The following HOXC11 variants were observed in gnomAD, a reference collection of about 807,000 sequenced individuals.
HOXC11 encodes homeobox C11, also known as homeobox protein Hox-C11.
Under a neutral mutation model 23.6 loss-of-function variants are expected in HOXC11, and 17 were observed. That is an observed-to-expected ratio of 0.72 (90% CI 0.49 to 1.08). The LOEUF (loss-of-function observed/expected upper bound fraction) is 1.08. Ranked by LOEUF, HOXC11 falls within the 50% of genes least tolerant of loss-of-function variation. The pLI is 0.00. For missense variants in HOXC11, 413 were observed against 412.1 expected (o/e 1.00, Z -0.02); for synonymous variants, 196 against 183.8 (o/e 1.07, Z -0.54).
chr12:53,975,107 C>A, intron 1 of HOXC11, 74 bp from the exon 2 acceptor site: 2 of 696,292 alleles, frequency 2.9e-6, no homozygotes, highest in Non-Finnish European at 2.4e-6. Flanking sequence ...GAGCGCTCAG[C>A]GGGCTGGGGT....
Position 53,975,824 on chromosome 12 carries a change from A to C in HOXC11, c.*411A>C. The C allele has an allele frequency of 2.3e-6, 1 of 431,488 alleles. No homozygotes were observed. Among genetic ancestry groups the C allele is most frequent in the Non-Finnish European group, 4.1e-6 (1 of 246,308 alleles). 26.7% of individuals were successfully genotyped at this position (431,488 alleles called of 1,614,324 possible). On this transcript the variant is annotated 3_prime_UTR_variant, in exon 2 of 2. Coordinates refer to ENST00000546378, the MANE Select transcript of HOXC11 (RefSeq NM_014212.4). ...CCTTGCCCATGTGAAAAGATCCGCT[A>C]AGACAGCATGTCTGCCAGCGGAAAC... is the stretch of plus-strand genomic sequence containing the variant.
rs772454678 is a variant in HOXC11 at position 53,973,747 on chromosome 12, C to A, written c.506C>A (p.Pro169His). The change falls in exon 1 of 2, where the codon CCC becomes CAC. Residue 169 changes from proline (P) to histidine (H), a missense_variant. Physicochemically the swap from Pro to His is moderately conservative, Grantham distance 77. Coordinates refer to ENST00000546378, the MANE Select transcript of HOXC11 (RefSeq NM_014212.4). This position sits in a 1 kb window ranked among gnomAD's most constrained non-coding sequence, Gnocchi z 4.3. ...GGTGGCGGCGACCCGCCCGCCGAGC[C>A]CCCCTGCTCCGGCAAGGGCGAGGCC... ...YCGGGDPPAE[P>H]PCSGKGEAKG... The A allele has an allele frequency of 6.2e-7, 1 of 1,612,800 alleles. No individual in the cohort carries two copies. The highest frequency in any genetic ancestry group is 8.5e-7 in the Non-Finnish European group (1 of 1,179,740).
At position 53,973,815 on chromosome 12, in the gene HOXC11, C is replaced by G. The variant is rs556993752; in HGVS notation, c.574C>G (p.Arg192Gly). The G allele has an allele frequency of 5.8e-6, 9 of 1,539,738 alleles. No homozygotes were observed. In the African/African-American group the frequency reaches 9.7e-5, roughly 17 times the overall value. ...ACCCCCGGCCTCGGGACTGGCGTCCCGGGCTGAGGCGGGTGCCGAGGCGGA... is the reference window on the plus strand; with the variant it reads ...ACCCCCGGCCTCGGGACTGGCGTCCGGGGCTGAGGCGGGTGCCGAGGCGGA... ...EAPPASGLAS[R>G]AEAGAEAEAE... Residue 192 changes from arginine to glycine, a missense_variant, in exon 1 of 2, where the codon CGG (arginine) becomes GGG (glycine). Transcript: ENST00000546378. This position sits in a 1 kb window ranked among gnomAD's most constrained non-coding sequence, Gnocchi z 4.3.
chr12:53,974,182 C>G (rs1211687403), intron 1 of HOXC11, among the ~76,000 whole-genome samples: 2 of 152,176 alleles, frequency 1.3e-5, no homozygotes, highest in Non-Finnish European at 2.9e-5. Flanking sequence ...GTGAACCCCC[C>G]TCCCCCGTTA....
rs201200152 is a variant in HOXC11, at chr12:53,973,529, C to G, written c.288C>G (p.Ala96=). The change falls in exon 1 of 2, where the codon GCC becomes GCG. Residue 96 remains alanine, a synonymous_variant. Coordinates refer to ENST00000546378, the MANE Select transcript of HOXC11 (RefSeq NM_014212.4). This position sits in a 1 kb window ranked among gnomAD's most constrained non-coding sequence, Gnocchi z 4.3. The part of the protein sequence containing the change: ...RNSYSSCYAA[A]DELMHRECLP... ...GCTACTCCTCCTGCTATGCGGCGGC[C>G]GACGAGCTTATGCACCGGGAGTGCC... 4.3e-5 allele frequency: 70 copies of G among 1,613,738 alleles called. No homozygotes were observed. Among genetic ancestry groups the G allele is most frequent in the African/African-American group, 6.7e-5 (5 of 75,038 alleles).
rs1289730930 is a variant in HOXC11, at chr12:53,976,601, G to T, written c.*1188G>T. On this transcript the variant is annotated 3_prime_UTR_variant, in exon 2 of 2. Coordinates refer to ENST00000546378, the MANE Select transcript of HOXC11 (RefSeq NM_014212.4). The stretch of plus-strand genomic sequence containing the variant: ...AGCTCCTCTCCGCTGGCAGGGCCAA[G>T]AGTATGGCCGTAGTCTCCTCACATT... 2 of 163,780 alleles carry T rather than the reference G, an allele frequency of 1.2e-5. No individual in the cohort carries two copies. The allele number at this position is 163,780 out of a possible 1,614,324, so 10.1% of individuals were successfully genotyped here.
chr12:53,974,406 C>G (rs895952530), intron 1 of HOXC11, among the ~76,000 whole-genome samples: 23 of 152,108 alleles, frequency 1.5e-4, no homozygotes, highest in Admixed American at 8.5e-4. Context: ...AGCAATGGAG[C>G]AGAACCTGAG....
intron 1 of HOXC11, 50 bp from the exon 2 acceptor site, chr12:53,975,131 C>A (rs761788617): frequency 1.0e-4 from 86 of 852,086 alleles, no homozygotes; most frequent in Non-Finnish European, 9.5e-5. Flanking sequence ...CCGGGTCTCA[C>A]GTGTCTCTCT....
Position 53,975,602 on chromosome 12 carries a change from G to A in HOXC11, c.*189G>A, listed in dbSNP as rs1939242557. The A allele has an allele frequency of 1.5e-6, 1 of 653,608 alleles. No homozygotes were observed. Among genetic ancestry groups the A allele is most frequent in the Middle Eastern group, 2.4e-4 (1 of 4,100 alleles). The allele number at this position is 653,608 out of a possible 1,614,324, so 40.5% of individuals were successfully genotyped here. A position where few individuals can be genotyped will look rare whatever the true frequency, so the allele number is the denominator to read the frequency against. ...GACCCTCTATCTGACTCTCGCTGTG[G>A]GACAGGGACCGGGCCTGGAAAGGGG... On this transcript the variant is annotated 3_prime_UTR_variant, in exon 2 of 2. Transcript: ENST00000546378.
Position 53,975,607 on chromosome 12 carries a change from GGGACC to G in HOXC11, c.*197_*201del, listed in dbSNP as rs1387103637. 2 of 650,936 alleles carry G rather than the reference GGGACC, an allele frequency of 3.1e-6. No individual in the cohort carries two copies. Among genetic ancestry groups the G allele is most frequent in the Non-Finnish European group, 5.5e-6 (2 of 365,956 alleles). The allele number at this position is 650,936 out of a possible 1,614,324, so 40.3% of individuals were successfully genotyped here. A position where few individuals can be genotyped will look rare whatever the true frequency, so the allele number is the denominator to read the frequency against. ...TCTATCTGACTCTCGCTGTGGGACAGGGACCGGGCCTGGAAAGGGGGTGAAGGGAA... is the reference window on the plus strand; with the variant it reads ...TCTATCTGACTCTCGCTGTGGGACAGGGGCCTGGAAAGGGGGTGAAGGGAA... On this transcript the variant is annotated 3_prime_UTR_variant, in exon 2 of 2. Coordinates refer to ENST00000546378, the MANE Select transcript of HOXC11 (RefSeq NM_014212.4).
Position 53,975,332 on chromosome 12 carries a change from T to G in HOXC11, c.834T>G (p.Ile278Met). The stretch of plus-strand genomic sequence containing the variant: ...ACCTGACGGACCGACAAGTGAAAAT[T>G]TGGTTTCAGAACAGAAGGATGAAAG... ...MLNLTDRQVK[I>M]WFQNRRMKEK... Residue 278 changes from isoleucine to methionine, a missense_variant, in exon 2 of 2, where the codon ATT (isoleucine) becomes ATG (methionine). By Grantham distance (10) the Ile-to-Met change is conservative. Transcript: ENST00000546378. 1.2e-6 allele frequency: 2 copies of G among 1,613,588 alleles called. No homozygotes were observed. The highest frequency in any genetic ancestry group is 1.7e-6 in the Non-Finnish European group (2 of 1,179,894).
At position 53,973,429 on chromosome 12, in the gene HOXC11, A is replaced by T. The variant is rs1427829556; in HGVS notation, c.188A>T (p.Tyr63Phe). Reference sequence around the variant, plus strand: ...CCCTCTCGTCAGATCTCCTATCCCTACTCGGCCCAAGTGCCCCCGGTCCGG... The same window carrying T: ...CCCTCTCGTCAGATCTCCTATCCCTTCTCGGCCCAAGTGCCCCCGGTCCGG... ...QAPSRQISYP[Y>F]SAQVPPVREV... Residue 63 changes from tyrosine to phenylalanine, a missense_variant, in exon 1 of 2, where the codon TAC becomes TTC. Coordinates refer to ENST00000546378, the MANE Select transcript of HOXC11 (RefSeq NM_014212.4). The surrounding 1 kb of genome is among the most constrained non-coding windows in gnomAD (Gnocchi z 4.3). The T allele has an allele frequency of 1.2e-6, 2 of 1,613,054 alleles. No individual in the cohort carries two copies. Among genetic ancestry groups the T allele is most frequent in the African/African-American group, 1.3e-5 (1 of 74,640 alleles).
rs764206745 is a variant in HOXC11, at chr12:53,973,538, T to G, written c.297T>G (p.Leu99=). ...YSSCYAAADE[L]MHRECLPPST... ...CCTGCTATGCGGCGGCCGACGAGCT[T>G]ATGCACCGGGAGTGCCTGCCTCCTT... The change falls in exon 1 of 2, where the codon CTT becomes CTG. Residue 99 remains leucine (L), a synonymous_variant. Transcript: ENST00000546378. This position sits in a 1 kb window ranked among gnomAD's most constrained non-coding sequence, Gnocchi z 4.3. 1 of 1,613,472 alleles carries G rather than the reference T, an allele frequency of 6.2e-7. No homozygotes were observed. Among genetic ancestry groups the G allele is most frequent in the East Asian group, 2.2e-5 (1 of 44,850 alleles).
At position 53,973,285 on chromosome 12, in the gene HOXC11, G is replaced by C. The variant is rs745410942; in HGVS notation, c.44G>C (p.Arg15Pro). The change falls in exon 1 of 2, where the codon CGC becomes CCC. Residue 15 changes from arginine to proline, a missense_variant. Transcript: ENST00000546378. The surrounding 1 kb of genome is among the most constrained non-coding windows in gnomAD (Gnocchi z 4.3). The part of the protein sequence containing the change: ...VNLGNFCSPS[R>P]KERGADFGER... ...CTGGGCAACTTCTGCTCTCCGTCGCGCAAGGAGAGGGGCGCAGATTTCGGC... is the reference window on the plus strand; with the variant it reads ...CTGGGCAACTTCTGCTCTCCGTCGCCCAAGGAGAGGGGCGCAGATTTCGGC... The C allele has an allele frequency of 1.4e-5, 23 of 1,613,396 alleles. No homozygotes were observed. Among genetic ancestry groups the C allele is most frequent in the Non-Finnish European group, 1.8e-5 (21 of 1,179,934 alleles).
chr12:53,973,466 CG>C lies in HOXC11; in HGVS notation c.227del (p.Gly76AlafsTer40), dbSNP rs1370785780. On this transcript the variant is annotated frameshift_variant, in exon 1 of 2. Coordinates refer to ENST00000546378, the MANE Select transcript of HOXC11 (RefSeq NM_014212.4). LOFTEE classifies it high-confidence loss of function. The surrounding 1 kb of genome is among the most constrained non-coding windows in gnomAD (Gnocchi z 4.3). ...TGCCCCCGGTCCGGGAGGTCTCCTA[CG>C]GCCTGGAGCCATCCGGCAAGTGGCA... ...QVPPVREVSY[G>X]LEPSGKWHHR... 6.2e-7 allele frequency: 1 copy of C among 1,614,072 alleles called. No homozygotes were observed. The highest frequency in any genetic ancestry group is 8.5e-7 in the Non-Finnish European group (1 of 1,180,052).
In HOXC11 at chr12:53,975,583, C is replaced by CAG; in HGVS notation, c.*170_*171insAG. On this transcript the variant is annotated 3_prime_UTR_variant, in exon 2 of 2. Coordinates refer to ENST00000546378, the MANE Select transcript of HOXC11 (RefSeq NM_014212.4). ...TCCATTCCGGAACCTCCTGGACCCT[C>CAG]TATCTGACTCTCGCTGTGGGACAGG... The CAG allele has an allele frequency of 1.5e-6, 1 of 666,950 alleles. No individual in the cohort carries two copies. The highest frequency in any genetic ancestry group is 1.7e-5 in the South Asian group (1 of 59,954). 41.3% of individuals were successfully genotyped at this position (666,950 alleles called of 1,614,324 possible). A position where few individuals can be genotyped will look rare whatever the true frequency, so the allele number is the denominator to read the frequency against.
chr12:53,973,141 G>C lies in HOXC11; in HGVS notation c.-101G>C, dbSNP rs1197042392. ...TTTGGATCACGTGCTCAGAGAGAGAGAGACTAAGACGGATAACGCGTCATC... is the reference window on the plus strand; with the variant it reads ...TTTGGATCACGTGCTCAGAGAGAGACAGACTAAGACGGATAACGCGTCATC... On this transcript the variant is annotated 5_prime_UTR_variant, in exon 1 of 2. Coordinates refer to ENST00000546378, the MANE Select transcript of HOXC11 (RefSeq NM_014212.4). This position sits in a 1 kb window ranked among gnomAD's most constrained non-coding sequence, Gnocchi z 4.3. 3.5e-6 allele frequency: 3 copies of C among 852,914 alleles called. No individual in the cohort carries two copies. Among genetic ancestry groups the C allele is most frequent in the Non-Finnish European group, 5.4e-6 (3 of 558,240 alleles). The allele number at this position is 852,914 out of a possible 1,614,324, so 52.8% of individuals were successfully genotyped here. A position where few individuals can be genotyped will look rare whatever the true frequency, so the allele number is the denominator to read the frequency against.
chr12:53,973,970 G>A lies in HOXC11; in HGVS notation c.682+47G>A, dbSNP rs1352211906. On this transcript the variant is annotated intron_variant, in intron 1 of 1. Coordinates refer to ENST00000546378, the MANE Select transcript of HOXC11 (RefSeq NM_014212.4). The surrounding 1 kb of genome is among the most constrained non-coding windows in gnomAD (Gnocchi z 4.3). ...ACGGGCGGGCAGCGAGGGAGGGAGCGAGAGAGGGAGGGCGAGAGAAGGGGG... is the reference window on the plus strand; with the variant it reads ...ACGGGCGGGCAGCGAGGGAGGGAGCAAGAGAGGGAGGGCGAGAGAAGGGGG... 2 of 1,412,598 alleles carry A rather than the reference G, an allele frequency of 1.4e-6. No homozygotes were observed. Among genetic ancestry groups the A allele is most frequent in the Non-Finnish European group, 1.9e-6 (2 of 1,076,768 alleles). 87.5% of individuals were successfully genotyped at this position (1,412,598 alleles called of 1,614,324 possible). A position where few individuals can be genotyped will look rare whatever the true frequency, so the allele number is the denominator to read the frequency against.
At position 53,973,249 on chromosome 12, in the gene HOXC11, A is replaced by G; in HGVS notation, c.8A>G (p.Asn3Ser). Residue 3 changes from asparagine to serine, a missense_variant, in exon 1 of 2, where the codon AAC becomes AGC. Physicochemically the swap from Asn to Ser is conservative, Grantham distance 46. Coordinates refer to ENST00000546378, the MANE Select transcript of HOXC11 (RefSeq NM_014212.4). The surrounding 1 kb of genome is among the most constrained non-coding windows in gnomAD (Gnocchi z 4.3). ...CGGCAGGAGAGGAGAACGATGTTTA[A>G]CTCGGTCAACCTGGGCAACTTCTGC... MF[N>S]SVNLGNFCSP... 1 of 1,595,790 alleles carries G rather than the reference A, an allele frequency of 6.3e-7. No individual in the cohort carries two copies. The highest frequency in any genetic ancestry group is 1.1e-5 in the South Asian group (1 of 87,938).
Sources: gnomAD v4.1 joint callset for allele counts (sites outside exome capture counted in the v4.1 genomes callset) on GRCh38, gnomAD v4.1.1 for gene constraint, Gnocchi (gnomAD v3.1) non-coding constraint, MANE v1.5 for transcripts, NCBI Gene and HGNC (gene_info 2026-07-23, HGNC 2026-07-21) for gene names.